DLEU7: variants seen among roughly 807,000 people sequenced by gnomAD.
The protein encoded by DLEU7 is deleted in lymphocytic leukemia 7, also known as leukemia-associated protein 7.
In DLEU7, 17 loss-of-function variants were observed where a neutral mutation model predicts 16.0. The observed-to-expected ratio is 1.06, with a 90% confidence interval of 0.73 to 1.59. The LOEUF (loss-of-function observed/expected upper bound fraction) is 1.59. DLEU7 is among the 40% of genes most tolerant of loss of function. DLEU7 has a pLI of 0.00. For missense variants in DLEU7, 308 were observed against 314.9 expected (o/e 0.98, Z 0.17); for synonymous variants, 113 against 139.8 (o/e 0.81, Z 1.35).
intron 1 of DLEU7, among the ~76,000 whole-genome samples, chr13:50,799,596 C>T (rs1450867106): frequency 2.6e-5 from 4 of 152,194 alleles, no homozygotes; most frequent in Non-Finnish European, 5.9e-5. Flanking sequence ...CCAGCAGTTT[C>T]CATTCCTAGT....
In DLEU7 at chr13:50,843,083, G is replaced by C; in HGVS notation, c.459+105C>G. ...TGGGGCTGAATCACAGTGGGCAGCA[G>C]TGTTTGGGATCCTGCGATCCACCCA... On this transcript the variant is annotated intron_variant, in intron 1 of 1. Coordinates refer to ENST00000504404, the MANE Select transcript of DLEU7 (RefSeq NM_001306135.2). This position sits in a 1 kb window ranked among gnomAD's most constrained non-coding sequence, Gnocchi z 5.7. 8.9e-7 allele frequency: 1 copy of C among 1,128,656 alleles called. No homozygotes were observed. Among genetic ancestry groups the C allele is most frequent in the Non-Finnish European group, 1.2e-6 (1 of 824,294 alleles). 69.9% of individuals were successfully genotyped at this position (1,128,656 alleles called of 1,614,324 possible). A position where few individuals can be genotyped will look rare whatever the true frequency, so the allele number is the denominator to read the frequency against.
At chr13:50,750,132 C>A (rs1331484642) in intron 1 of DLEU7, among the ~76,000 whole-genome samples, 2 of 152,054 alleles carry the variant, frequency 1.3e-5, no homozygotes, top group Admixed American at 6.6e-5. Context: ...GATGAGGAAC[C>A]AGTTTCATTC....
intron 1 of DLEU7, among the ~76,000 whole-genome samples, chr13:50,755,675 C>T (rs964696457): frequency 7.9e-5 from 12 of 152,212 alleles, no homozygotes; most frequent in South Asian, 2.1e-4. Context: ...AACTAACCTC[C>T]TGAATTCTTT....
intron 1 of DLEU7, among the ~76,000 whole-genome samples, chr13:50,721,196 C>T (rs2137706696): frequency 6.6e-6 from 1 of 152,332 alleles, no homozygotes; most frequent in Non-Finnish European, 1.5e-5. Context: ...GAACATCAGA[C>T]TCCAAGTTCT....
intron 1 of DLEU7, among the ~76,000 whole-genome samples, chr13:50,828,836 G>A (rs918709137): frequency 3.9e-5 from 6 of 152,154 alleles, no homozygotes; most frequent in African/African-American, 1.4e-4. Flanking sequence ...GACCACCTGC[G>A]AGCTAGGTGC....
intron 1 of DLEU7, among the ~76,000 whole-genome samples, chr13:50,782,036 G>A (rs1593393751): frequency 6.6e-6 from 1 of 151,996 alleles, no homozygotes; most frequent in East Asian, 1.9e-4. Context: ...TAGAATAAAA[G>A]CATTTCATCT....
At position 50,804,689 on chromosome 13, in the gene DLEU7, G is replaced by A. The variant is rs1186391674; in HGVS notation, c.459+38499C>T. On this transcript the variant is annotated intron_variant, in intron 1 of 1. Coordinates refer to the DLEU7 transcript ENST00000400393. ...TCGAACTCCTGACCTCAGGTGATCC[G>A]CCAGCCTAGGCCTCTCAAAGTGCTG... 9.2e-5 allele frequency among the ~76,000 whole-genome samples: 14 copies of A among 152,124 alleles called. No homozygotes were observed. In the South Asian group the frequency reaches 2.5e-3, roughly 27 times the overall value.
chr13:50,843,557 C>A lies in DLEU7; in HGVS notation c.90G>T (p.Trp30Cys), dbSNP rs1238190273. Reference sequence around the variant, plus strand: ...TCCCGGGGGCGACTGGACCGTCCCCCCAGCCCCACTCCTGCTGCAGCAGCT... The same window carrying A: ...TCCCGGGGGCGACTGGACCGTCCCCACAGCCCCACTCCTGCTGCAGCAGCT... ...TLQLLQQEWG[W>C]GDGPVAPGNP... The change falls in exon 1 of 2, where the codon TGG becomes TGT. Residue 30 changes from tryptophan (W) to cysteine (C), a missense_variant. Transcript: ENST00000504404. The surrounding 1 kb of genome is among the most constrained non-coding windows in gnomAD (Gnocchi z 5.7). The A allele has an allele frequency of 6.7e-7, 1 of 1,482,854 alleles. No individual in the cohort carries two copies. Among genetic ancestry groups the A allele is most frequent in the Non-Finnish European group, 8.9e-7 (1 of 1,125,302 alleles). The allele number at this position is 1,482,854 out of a possible 1,614,324, so 91.9% of individuals were successfully genotyped here. A position where few individuals can be genotyped will look rare whatever the true frequency, so the allele number is the denominator to read the frequency against.
chr13:50,747,055 A>T (rs1230923252), intron 1 of DLEU7, among the ~76,000 whole-genome samples: 3 of 152,192 alleles, frequency 2.0e-5, no homozygotes, highest in Non-Finnish European at 4.4e-5. Flanking sequence ...ATATAACCAA[A>T]AGGTAATGAT....
intron 1 of DLEU7, among the ~76,000 whole-genome samples, chr13:50,755,762 G>C (rs1455063403): frequency 2.0e-5 from 3 of 151,804 alleles, no homozygotes; most frequent in African/African-American, 7.3e-5. Flanking sequence ...TGAGGGGGGG[G>C]GCACGGTATT....
At chr13:50,834,511 A>G (rs1877387700) in intron 1 of DLEU7, among the ~76,000 whole-genome samples, 1 of 152,236 alleles carries the variant, frequency 6.6e-6, no homozygotes, top group African/African-American at 2.4e-5. Context: ...CATGCCAGGT[A>G]GAACGGAGAT....
chr13:50,751,814 T>A (rs1874572398), intron 1 of DLEU7, among the ~76,000 whole-genome samples: 1 of 152,166 alleles, frequency 6.6e-6, no homozygotes, highest in African/African-American at 2.4e-5. Context: ...TTATGTGGAT[T>A]TTCTCTCTTC....
chr13:50,755,858 GTC>G (rs1291372529), intron 1 of DLEU7, among the ~76,000 whole-genome samples: 1 of 152,158 alleles, frequency 6.6e-6, no homozygotes, highest in Non-Finnish European at 1.5e-5. Context: ...CAGAGGCAAG[GTC>G]TAGGGCTGAA....
At chr13:50,727,059 T>C (rs1593529804) in intron 1 of DLEU7, among the ~76,000 whole-genome samples, 1 of 152,176 alleles carries the variant, frequency 6.6e-6, no homozygotes, top group Non-Finnish European at 1.5e-5. Context: ...ACAAAACTCA[T>C]AGCAGGCAAT....
At chr13:50,752,911 A>T (rs1433938949) in intron 1 of DLEU7, among the ~76,000 whole-genome samples, 1 of 152,102 alleles carries the variant, frequency 6.6e-6, no homozygotes, top group Non-Finnish European at 1.5e-5. Context: ...CCCCACCCAC[A>T]TCCTGCTGAT....
chr13:50,781,382 T>C (rs1875645293), intron 1 of DLEU7, among the ~76,000 whole-genome samples: 1 of 152,204 alleles, frequency 6.6e-6, no homozygotes, highest in Non-Finnish European at 1.5e-5. Context: ...AACTCCACTG[T>C]ATACCAGTAA....
chr13:50,760,175 A>C (rs1046691197), intron 1 of DLEU7, among the ~76,000 whole-genome samples: 1 of 152,200 alleles, frequency 6.6e-6, no homozygotes, highest in African/African-American at 2.4e-5. Context: ...TTCATCTTAT[A>C]AATCCTATTT....
At chr13:50,764,606 C>T (rs2137748897) in intron 1 of DLEU7, among the ~76,000 whole-genome samples, 1 of 152,330 alleles carries the variant, frequency 6.6e-6, no homozygotes, top group South Asian at 2.1e-4. Flanking sequence ...ATTTCTGGCA[C>T]AGTTGTTATT....
intron 1 of DLEU7, among the ~76,000 whole-genome samples, chr13:50,815,096 T>C (rs1434748315): frequency 1.3e-5 from 2 of 152,148 alleles, no homozygotes; most frequent in Non-Finnish European, 2.9e-5. Context: ...GTTTTTCACT[T>C]GTGACACAGG....
Sources: gnomAD v4.1 joint callset for allele counts (sites outside exome capture counted in the v4.1 genomes callset) on GRCh38, gnomAD v4.1.1 for gene constraint, Gnocchi (gnomAD v3.1) non-coding constraint, MANE v1.5 for transcripts, NCBI Gene and HGNC (gene_info 2026-07-23, HGNC 2026-07-21) for gene names.